Variants in OCLN observed in about 807,000 individuals in gnomAD.
The protein encoded by OCLN is occludin.
OCLN carries 21 observed loss-of-function variants against 47.9 expected under a neutral mutation model. That is an observed-to-expected ratio of 0.44 (90% CI 0.31 to 0.63). OCLN has a LOEUF of 0.63. Among genes scored for constraint, OCLN ranks in the 30% least tolerant of loss-of-function variants. The pLI is 0.08. For missense variants in OCLN, 360 were observed against 571.0 expected, an observed-to-expected ratio of 0.63 and a Z score of 3.77; for synonymous variants, 117 against 198.4, an observed-to-expected ratio of 0.59 and a Z score of 3.45.
At chr5:69,532,429 G>A (rs957979550) in intron 4 of OCLN, among the ~76,000 whole-genome samples, 6 of 152,118 alleles carry the variant, frequency 3.9e-5, no homozygotes, top group African/African-American at 1.2e-4. Flanking sequence ...AAGCTAGAGC[G>A]GTTCTACCCT....
At chr5:69,523,762 C>T (rs1054053008) in intron 4 of OCLN, among the ~76,000 whole-genome samples, 3 of 151,994 alleles carry the variant, frequency 2.0e-5, no homozygotes, top group Non-Finnish European at 4.4e-5. Flanking sequence ...TCTCAAACTC[C>T]TGACCTCAGG....
intron 1 of OCLN, among the ~76,000 whole-genome samples, chr5:69,500,078 T>G (rs1264183876): frequency 1.3e-5 from 2 of 152,232 alleles, no homozygotes; most frequent in Admixed American, 6.5e-5. Flanking sequence ...AGCCAATGGG[T>G]TAGTTATCCT....
rs1425538073 is a variant in OCLN at position 69,554,937 on chromosome 5, A to G, written c.*1266A>G. On this transcript the variant is annotated 3_prime_UTR_variant, in exon 9 of 9. Coordinates refer to ENST00000396442, the MANE Select transcript of OCLN (RefSeq NM_001205254.2). ...GTATGCATTTCAGATATTTAGGTAT[A>G]TAATTTTTTTTTTTTTTTGAGACAG... 8 of 148,506 alleles carry G rather than the reference A, an allele frequency of 5.4e-5. No homozygotes were observed. Among genetic ancestry groups the G allele is most frequent in the African/African-American group, 2.0e-4 (8 of 40,896 alleles). 9.2% of individuals were successfully genotyped at this position (148,506 alleles called of 1,614,324 possible).
At chr5:69,525,671 TG>T (rs1769260350) in intron 4 of OCLN, among the ~76,000 whole-genome samples, 1 of 152,218 alleles carries the variant, frequency 6.6e-6, no homozygotes, top group African/African-American at 2.4e-5. Flanking sequence ...AGAGTTTTTA[TG>T]GGGTAAAGGT....
chr5:69,537,184 A>G (rs1280400419), intron 5 of OCLN, among the ~76,000 whole-genome samples: 2 of 131,662 alleles, frequency 1.5e-5, no homozygotes, highest in African/African-American at 3.1e-5. Flanking sequence ...TCCTTATTCT[A>G]TAAGCTTTTT....
At chr5:69,536,137 A>G (rs1169718865) in intron 5 of OCLN, among the ~76,000 whole-genome samples, 1 of 152,190 alleles carries the variant, frequency 6.6e-6, no homozygotes, top group Non-Finnish European at 1.5e-5. Context: ...ATAAATAAAT[A>G]AATAAATGGT....
At chr5:69,523,043 A>G (rs1473346625) in intron 4 of OCLN, among the ~76,000 whole-genome samples, 3 of 151,976 alleles carry the variant, frequency 2.0e-5, no homozygotes, top group African/African-American at 7.3e-5. Flanking sequence ...AGTTGTCCCT[A>G]TTGTTAACAT....
At chr5:69,510,639 G>A (rs1768754308) in intron 3 of OCLN, among the ~76,000 whole-genome samples, 1 of 152,120 alleles carries the variant, frequency 6.6e-6, no homozygotes, top group South Asian at 2.1e-4. Context: ...AGCTGAGATT[G>A]CGCCACTGCA....
At chr5:69,534,014 C>T (rs1769522350) in intron 4 of OCLN, among the ~76,000 whole-genome samples, 3 of 151,294 alleles carry the variant, frequency 2.0e-5, no homozygotes. Context: ...TTCACTTACA[C>T]ATCAGAATGA....
chr5:69,528,760 G>A (rs1178189974), intron 4 of OCLN, among the ~76,000 whole-genome samples: 1 of 152,140 alleles, frequency 6.6e-6, no homozygotes, highest in Admixed American at 6.6e-5. Context: ...TCCTTGGGTG[G>A]CGGTGAGAAT....
chr5:69,530,881 T>C (rs1309829911), intron 4 of OCLN, among the ~76,000 whole-genome samples: 3 of 152,132 alleles, frequency 2.0e-5, no homozygotes, highest in Admixed American at 2.0e-4. Context: ...AGTGTAGAAA[T>C]AGAACAGTTA....
chr5:69,549,318 G>A (rs1260729118), intron 7 of OCLN, among the ~76,000 whole-genome samples: 1 of 93,480 alleles, frequency 1.1e-5, no homozygotes, highest in Non-Finnish European at 2.0e-5. Context: ...TCCAGCCTGA[G>A]TGACAGAGTG....
intron 4 of OCLN, among the ~76,000 whole-genome samples, chr5:69,521,084 G>T (rs1473641827): frequency 2.0e-5 from 3 of 151,574 alleles, no homozygotes; most frequent in Non-Finnish European, 4.4e-5. Flanking sequence ...CGATCCACCC[G>T]CGTCGGCCTC....
intron 3 of OCLN, among the ~76,000 whole-genome samples, chr5:69,512,164 T>C (rs1365879822): frequency 6.6e-6 from 1 of 152,238 alleles, no homozygotes; most frequent in Non-Finnish European, 1.5e-5. Context: ...ATGTTTTCTA[T>C]TATTTAATTT....
At chr5:69,537,969 C>T (rs1408818158) in intron 5 of OCLN, among the ~76,000 whole-genome samples, 1 of 115,014 alleles carries the variant, frequency 8.7e-6, no homozygotes, top group Non-Finnish European at 1.8e-5. Flanking sequence ...CCTGAAGCAC[C>T]TGCCTGAGGC....
At chr5:69,530,076 A>G (rs1178047016) in intron 4 of OCLN, among the ~76,000 whole-genome samples, 1 of 152,034 alleles carries the variant, frequency 6.6e-6, no homozygotes, top group Non-Finnish European at 1.5e-5. Flanking sequence ...TAGTGGTGTG[A>G]CCCTGTAGTC....
chr5:69,497,385 ATTT>A (rs373562576), intron 1 of OCLN, among the ~76,000 whole-genome samples: 7 of 116,302 alleles, frequency 6.0e-5, no homozygotes, highest in Admixed American at 1.0e-4. Context: ...GTTTTTCTAG[ATTT>A]TTTTTTTTTT....
Position 69,554,369 on chromosome 5 carries a change from C to A in OCLN, c.*698C>A, listed in dbSNP as rs1265611263. ...ACTTTTTTAAGATCAAAGTTTAAAC[C>A]CCGTGGTTAGAATTTTGTGTGTTTT... On this transcript the variant is annotated 3_prime_UTR_variant, in exon 9 of 9. Coordinates refer to ENST00000396442, the MANE Select transcript of OCLN (RefSeq NM_001205254.2). 1 of 151,508 alleles carries A rather than the reference C, an allele frequency of 6.6e-6. No homozygotes were observed. Among genetic ancestry groups the A allele is most frequent in the Admixed American group, 6.6e-5 (1 of 15,214 alleles). 9.4% of individuals were successfully genotyped at this position (151,508 alleles called of 1,614,324 possible). A position where few individuals can be genotyped will look rare whatever the true frequency, so the allele number is the denominator to read the frequency against.
At chr5:69,529,553 G>T (rs1399939117) in intron 4 of OCLN, among the ~76,000 whole-genome samples, 1 of 152,126 alleles carries the variant, frequency 6.6e-6, no homozygotes, top group Admixed American at 6.6e-5. Context: ...AGCATGTTCA[G>T]TGTGAGTGCT....
Sources: allele counts gnomAD v4.1 joint callset (sites outside exome capture counted in the v4.1 genomes callset), GRCh38; gene constraint gnomAD v4.1.1; transcripts MANE v1.5; gene names NCBI Gene and HGNC (gene_info 2026-07-23, HGNC 2026-07-21).